CENPK: variants seen among roughly 807,000 people sequenced by gnomAD.
CENPK encodes the protein SoxLZ/Sox6-binding protein Solt.
A neutral mutation model predicts 40.9 loss-of-function variants in CENPK; 46 were observed. That is an observed-to-expected ratio of 1.13 (90% CI 0.89 to 1.44). CENPK has a LOEUF of 1.44. Among genes scored for constraint, CENPK ranks in the 40% most tolerant of loss-of-function variants. The pLI is 0.00. For missense variants in CENPK, 288 were observed against 303.5 expected, an observed-to-expected ratio of 0.95 and a Z score of 0.38; for synonymous variants, 107 against 104.4, an observed-to-expected ratio of 1.02 and a Z score of -0.15.
Position 65,554,876 on chromosome 5 carries a change from G to T in CENPK, c.32C>A (p.Thr11Asn). Residue 11 changes from threonine to asparagine, a missense_variant, in exon 3 of 11, where the codon ACT (threonine) becomes AAT (asparagine). Transcript: ENST00000396679. ...ATTTGTAACATCTCCCACATCTGTA[G>T]TACTATCCGGATCTAGATCCTCCTG... MNQEDLDPDS[T>N]TDVGDVTNTE... 6.2e-7 allele frequency: 1 copy of T among 1,602,326 alleles called. No homozygotes were observed.
intron 5 of CENPK, among the ~76,000 whole-genome samples, chr5:65,550,171 T>G (rs1240572931): frequency 2.1e-5 from 1 of 47,958 alleles, no homozygotes; most frequent in African/African-American, 1.0e-4. Context: ...CAAGACTCCA[T>G]CTCAAAAAAA....
At chr5:65,543,227 A>G (rs527417887) in intron 5 of CENPK, among the ~76,000 whole-genome samples, 2 of 152,200 alleles carry the variant, frequency 1.3e-5, no homozygotes, top group East Asian at 1.9e-4. Flanking sequence ...ACAATACACA[A>G]CTTTTTACGA....
At chr5:65,504,177 C>T in the CENPK span, among the ~76,000 whole-genome samples, 9 of 151,506 alleles carry the variant, frequency 5.9e-5, no homozygotes, top group East Asian at 1.4e-3. Flanking sequence ...AAAACCTGGC[C>T]AGGCGCAGTG....
intron 6 of CENPK, among the ~76,000 whole-genome samples, chr5:65,535,779 C>T (rs1746784035): frequency 6.6e-6 from 1 of 152,150 alleles, no homozygotes; most frequent in Non-Finnish European, 1.5e-5. Flanking sequence ...TGAGTCTATC[C>T]CACAAATCAT....
chr5:65,538,069 C>A (rs989970194), intron 6 of CENPK, among the ~76,000 whole-genome samples: 1 of 151,944 alleles, frequency 6.6e-6, no homozygotes, highest in African/African-American at 2.4e-5. Context: ...ACTTCTTTAC[C>A]AACCCATGTT....
chr5:65,538,069 C>T (rs989970194), intron 6 of CENPK, among the ~76,000 whole-genome samples: 1 of 151,944 alleles, frequency 6.6e-6, no homozygotes, highest in Non-Finnish European at 1.5e-5. Context: ...ACTTCTTTAC[C>T]AACCCATGTT....
chr5:65,528,608 T>C (rs756300956), intron 8 of CENPK, 30 bp from the exon 9 acceptor site: 6 of 1,487,074 alleles, frequency 4.0e-6, no homozygotes, highest in Admixed American at 5.0e-5. Context: ...AAGAGAAACA[T>C]TTAACTGATA....
chr5:65,529,089 A>T (rs1484982578), intron 7 of CENPK, 28 bp downstream of exon 7: 8 of 1,545,262 alleles, frequency 5.2e-6, no homozygotes, highest in Admixed American at 3.4e-5. Flanking sequence ...TATATGAATG[A>T]TTAATAGTAA....
At chr5:65,552,017 T>C (rs1029001263) in intron 4 of CENPK, among the ~76,000 whole-genome samples, 1 of 150,490 alleles carries the variant, frequency 6.6e-6, no homozygotes, top group East Asian at 2.0e-4. Context: ...TGGAGTATAA[T>C]GGCACAATCT....
At chr5:65,562,705 GAGA>G (rs1353131678) in intron 1 of CENPK, 1 of 152,202 alleles carries the variant, frequency 6.6e-6, no homozygotes, top group East Asian at 1.9e-4. Context: ...CTATACCAGA[GAGA>G]AGAAAGAAGA....
chr5:65,553,728 C>T (rs574369662), intron 3 of CENPK, among the ~76,000 whole-genome samples: 104 of 152,158 alleles, frequency 6.8e-4, no homozygotes, highest in Non-Finnish European at 1.3e-3. Context: ...ATCTTTGAAT[C>T]CACTCTTCTA....
chr5:65,510,512 C>T, the CENPK span, among the ~76,000 whole-genome samples: 6 of 152,112 alleles, frequency 3.9e-5, no homozygotes, highest in South Asian at 2.1e-4. Flanking sequence ...CGGTGGCTAA[C>T]GCCTGTAATC....
intron 6 of CENPK, among the ~76,000 whole-genome samples, chr5:65,542,055 A>G (rs1247168194): frequency 6.6e-6 from 1 of 152,152 alleles, no homozygotes; most frequent in African/African-American, 2.4e-5. Context: ...TCAGACGTTT[A>G]TAAGGGCATT....
intron 3 of CENPK, among the ~76,000 whole-genome samples, chr5:65,553,271 C>T (rs1413349592): frequency 1.3e-5 from 2 of 151,910 alleles, no homozygotes; most frequent in African/African-American, 4.8e-5. Flanking sequence ...TATCTGTGCC[C>T]TATCTTTTGG....
intron 9 of CENPK, among the ~76,000 whole-genome samples, chr5:65,522,436 T>TC (rs953748027): frequency 5.3e-5 from 8 of 152,162 alleles, no homozygotes; most frequent in African/African-American, 1.9e-4. Context: ...TTTTTCTTTT[T>TC]CTTTTTTTTG....
chr5:65,553,376 G>T (rs975610057), intron 3 of CENPK, among the ~76,000 whole-genome samples: 3 of 150,702 alleles, frequency 2.0e-5, no homozygotes, highest in Non-Finnish European at 4.4e-5. Context: ...AAAAGAAATC[G>T]AAATCCATAA....
In CENPK at chr5:65,533,126, G is replaced by A. The variant is rs115419253; in HGVS notation, c.289-3927C>T. On this transcript the variant is annotated intron_variant, in intron 6 of 10. Coordinates refer to ENST00000396679, the MANE Select transcript of CENPK (RefSeq NM_022145.5). ...TGTAATCTCAGCACTTTGGGAGGCCGAGGACCTGAGGTTAAGAGTTCAAGA... is the reference window on the plus strand; with the variant it reads ...TGTAATCTCAGCACTTTGGGAGGCCAAGGACCTGAGGTTAAGAGTTCAAGA... Among the ~76,000 whole-genome samples, 1,021 of 151,762 alleles carry A rather than the reference G, an allele frequency of 6.7e-3. 9 individuals are homozygous for A. Among genetic ancestry groups the A allele is most frequent in the African/African-American group, 0.022 (915 of 41,414 alleles).
At chr5:65,499,826 A>T in the CENPK span, among the ~76,000 whole-genome samples, 3 of 72,842 alleles carry the variant, frequency 4.1e-5, no homozygotes, top group Admixed American at 1.6e-4. Context: ...CCCTCCCCCG[A>T]CCCCACCACA....
intron 5 of CENPK, among the ~76,000 whole-genome samples, chr5:65,543,250 T>A (rs1259090080): frequency 6.6e-6 from 1 of 152,182 alleles, no homozygotes; most frequent in Non-Finnish European, 1.5e-5. Context: ...TGTGTGCAGT[T>A]TTCATTTTAT....
Sources: allele counts gnomAD v4.1 joint callset (sites outside exome capture counted in the v4.1 genomes callset), GRCh38; gene constraint gnomAD v4.1.1; transcripts MANE v1.5; gene names NCBI Gene and HGNC (gene_info 2026-07-23, HGNC 2026-07-21).